TASP1: variants seen among roughly 807,000 people sequenced by gnomAD.
TASP1 encodes the protein taspase 1, also known as threonine aspartase 1.
Under a neutral mutation model 56.6 loss-of-function variants are expected in TASP1, and 16 were observed. The observed-to-expected ratio is 0.28, with a 90% CI of 0.19 to 0.43. The LOEUF (loss-of-function observed/expected upper bound fraction) is 0.43. Among genes scored for constraint, TASP1 ranks in the 20% least tolerant of loss-of-function variants. The pLI is 1.00. For missense variants in TASP1, 393 were observed against 511.6 expected (o/e 0.77, Z 2.24); for synonymous variants, 179 against 184.2 (o/e 0.97, Z 0.23).
At chr20:13,576,416 T>C (rs1021132313) in intron 6 of TASP1, among the ~76,000 whole-genome samples, 14 of 151,658 alleles carry the variant, frequency 9.2e-5, no homozygotes, top group Admixed American at 7.2e-4. Context: ...ATGGAATCTA[T>C]AAAAATGGGA....
the TASP1 span, among the ~76,000 whole-genome samples, chr20:13,113,278 C>T: frequency 3.9e-5 from 6 of 152,104 alleles, no homozygotes; most frequent in Non-Finnish European, 8.8e-5. Context: ...TCCTACTTTT[C>T]GGAGGTATAT....
the TASP1 span, among the ~76,000 whole-genome samples, chr20:13,356,282 T>C: frequency 1.3e-5 from 2 of 152,144 alleles, no homozygotes; most frequent in African/African-American, 4.8e-5. Context: ...GGTCTACAGT[T>C]TTCCCAGATT....
chr20:13,433,535 A>T (rs1600776745), intron 12 of TASP1, among the ~76,000 whole-genome samples: 1 of 151,634 alleles, frequency 6.6e-6, no homozygotes, highest in South Asian at 2.1e-4. Context: ...AAAAAAAAAA[A>T]AAAAAATACA....
chr20:13,462,943 A>C (rs1311536372), intron 11 of TASP1, among the ~76,000 whole-genome samples: 1 of 152,128 alleles, frequency 6.6e-6, no homozygotes. Flanking sequence ...TGTCAATACT[A>C]CCCAGAATGA....
intron 1 of TASP1, among the ~76,000 whole-genome samples, chr20:13,630,778 T>A (rs941509628): frequency 1.3e-4 from 17 of 131,824 alleles, no homozygotes; most frequent in Non-Finnish European, 2.5e-4. Context: ...TATTCCAAAA[T>A]AAAAAAAAGC....
chr20:13,576,699 G>A (rs550303433), intron 6 of TASP1, among the ~76,000 whole-genome samples: 2 of 152,224 alleles, frequency 1.3e-5, no homozygotes, highest in South Asian at 4.1e-4. Flanking sequence ...GCTATTTACA[G>A]AAATGGAAAA....
intron 13 of TASP1, among the ~76,000 whole-genome samples, chr20:13,399,964 C>T (rs2041677048): frequency 6.6e-6 from 1 of 152,194 alleles, no homozygotes; most frequent in Non-Finnish European, 1.5e-5. Flanking sequence ...ATGTTCTTGC[C>T]TTGCTCCCAT....
the TASP1 span, among the ~76,000 whole-genome samples, chr20:13,275,348 C>CT: frequency 6.6e-6 from 1 of 152,152 alleles, no homozygotes; most frequent in Non-Finnish European, 1.5e-5. Context: ...TTGCCTCCTC[C>CT]TTTTTCTCTA....
chr20:13,620,237 C>CTG lies in TASP1; in HGVS notation c.282+3207_282+3208dup, dbSNP rs146678625. On this transcript the variant is annotated intron_variant, in intron 4 of 13. Transcript: ENST00000337743. ...ATATGTCTGCATAATTCCCTTTACT[C>CTG]TGTGTGTGTGTGTGTCTCTGTGGTA... Among the ~76,000 whole-genome samples the CTG allele has an allele frequency of 6.0e-5, 9 of 149,796 alleles. No homozygotes were observed. The South Asian group carries it at 6.3e-4, about 11-fold the overall frequency.
intron 10 of TASP1, among the ~76,000 whole-genome samples, chr20:13,503,763 T>C (rs549255480): frequency 1.1e-4 from 16 of 151,750 alleles, no homozygotes; most frequent in African/African-American, 3.9e-4. Flanking sequence ...ATAAAAAGAT[T>C]AAAATCATGC....
At chr20:13,467,703 TA>T (rs973506782) in intron 11 of TASP1, among the ~76,000 whole-genome samples, 1 of 152,060 alleles carries the variant, frequency 6.6e-6, no homozygotes, top group African/African-American at 2.4e-5. Flanking sequence ...CCTGACCTTT[TA>T]AAAAAAGGTG....
the TASP1 span, among the ~76,000 whole-genome samples, chr20:13,113,496 G>A: frequency 1.3e-5 from 2 of 152,056 alleles, no homozygotes; most frequent in Non-Finnish European, 2.9e-5. Context: ...GATAGAAAAG[G>A]CTAGATACCC....
the TASP1 span, among the ~76,000 whole-genome samples, chr20:13,153,643 A>G: frequency 6.6e-6 from 1 of 152,088 alleles, no homozygotes; most frequent in Admixed American, 6.6e-5. Context: ...GGAAGTGGTT[A>G]TGTTCCTTCT....
the TASP1 span, among the ~76,000 whole-genome samples, chr20:13,163,417 A>G: frequency 6.6e-6 from 1 of 151,170 alleles, no homozygotes; most frequent in Non-Finnish European, 1.5e-5. Context: ...TTCCTCCTGC[A>G]TCCTCCATAA....
intron 11 of TASP1, among the ~76,000 whole-genome samples, chr20:13,437,060 G>C (rs906695035): frequency 1.3e-5 from 2 of 152,054 alleles, no homozygotes; most frequent in Non-Finnish European, 2.9e-5. Context: ...AACAAAAAAA[G>C]AGAATTTTAG....
intron 4 of TASP1, among the ~76,000 whole-genome samples, chr20:13,594,219 G>GTA (rs972606290): frequency 2.0e-5 from 3 of 152,168 alleles, no homozygotes; most frequent in Non-Finnish European, 4.4e-5. Context: ...AACCCCATCT[G>GTA]TAGGTCACCA....
chr20:13,577,920 T>G (rs2046982280), intron 6 of TASP1, among the ~76,000 whole-genome samples: 1 of 152,256 alleles, frequency 6.6e-6, no homozygotes, highest in Non-Finnish European at 1.5e-5. Context: ...TAGCCATTGA[T>G]GGATATTTAG....
chr20:13,403,541 C>T (rs1568753633), intron 13 of TASP1, among the ~76,000 whole-genome samples: 1 of 152,160 alleles, frequency 6.6e-6, no homozygotes, highest in Non-Finnish European at 1.5e-5. Flanking sequence ...AGAATTCTAT[C>T]AAAGCATCAA....
At chr20:13,562,457 A>G (rs1359001438) in intron 7 of TASP1, among the ~76,000 whole-genome samples, 1 of 152,092 alleles carries the variant, frequency 6.6e-6, no homozygotes, top group Non-Finnish European at 1.5e-5. Flanking sequence ...AAATAAAACC[A>G]AAAGTTAGTT....
Sources: allele counts gnomAD v4.1 joint callset (sites outside exome capture counted in the v4.1 genomes callset), GRCh38; gene constraint gnomAD v4.1.1; transcripts MANE v1.5; gene names NCBI Gene and HGNC (gene_info 2026-07-23, HGNC 2026-07-21).